OR52A5: variants seen among roughly 807,000 people sequenced by gnomAD.
OR52A5 encodes olfactory receptor family 52 subfamily A member 5.
OR52A5 carries 16 observed loss-of-function variants against 18.2 expected under a neutral mutation model. That is an observed-to-expected ratio of 0.88 (90% CI 0.60 to 1.34). The LOEUF is 1.34. Among genes scored for constraint, OR52A5 ranks in the 40% most tolerant of loss-of-function variants. The pLI is 0.00. For synonymous variants in OR52A5, 140 were observed against 137.2 expected (o/e 1.02, Z -0.14); for missense variants, 418 against 383.0 (o/e 1.09, Z -0.76).
rs140236383 is a variant in OR52A5, at chr11:5,134,244, G to A, written c.-60-1542C>T. 3.7e-3 allele frequency among the ~76,000 whole-genome samples: 569 copies of A among 152,252 alleles called. 2 individuals carry two copies. Among genetic ancestry groups the A allele is most frequent in the Admixed American group, 6.1e-3 (93 of 15,298 alleles). On this transcript the variant is annotated intron_variant, in intron 1 of 1. Transcript: ENST00000307388. ...AAACTCACTCTCTGAAATAATTTAAGTAGACTGCAAAATAGATAAAGATAG... is the reference window on the plus strand; with the variant it reads ...AAACTCACTCTCTGAAATAATTTAAATAGACTGCAAAATAGATAAAGATAG...
At chr11:5,136,084 A>C (rs988500544) in intron 1 of OR52A5, among the ~76,000 whole-genome samples, 1 of 152,068 alleles carries the variant, frequency 6.6e-6, no homozygotes, top group Non-Finnish European at 1.5e-5. Flanking sequence ...TGAGCTGGAG[A>C]CTCTTTGAAA....
chr11:5,133,775 C>G (rs1846366519), intron 1 of OR52A5, among the ~76,000 whole-genome samples: 1 of 152,092 alleles, frequency 6.6e-6, no homozygotes. Context: ...TAGAAATAGG[C>G]ATTGTTACCT....
chr11:5,130,339 C>T lies in OR52A5; in HGVS notation c.*1353G>A, dbSNP rs1846324389. ...TTACTTATTATCTTCATTCTTTATC[C>T]TTCATGTATACTAACTTTTCTGAAA... On this transcript the variant is annotated 3_prime_UTR_variant, in exon 2 of 2. Transcript: ENST00000307388. The T allele has an allele frequency of 6.6e-6, 1 of 151,766 alleles. No homozygotes were observed. The highest frequency in any genetic ancestry group is 1.5e-5 in the Non-Finnish European group (1 of 67,910). The allele number at this position is 151,766 out of a possible 1,614,324, so 9.4% of individuals were successfully genotyped here.
At position 5,134,788 on chromosome 11, in the gene OR52A5, T is replaced by C. The variant is rs180803432; in HGVS notation, c.-60-2086A>G. Among the ~76,000 whole-genome samples the C allele has an allele frequency of 8.8e-3, 1,344 of 152,134 alleles. 11 individuals carry two copies. The highest frequency in any genetic ancestry group is 0.016 in the South Asian group (78 of 4,826). ...ATTAATGAAAGTCTAGAACTTGTTA[T>C]AAGTAAATACACTTGGATCAAAATT... On this transcript the variant is annotated intron_variant, in intron 1 of 1. Coordinates refer to ENST00000307388, the MANE Select transcript of OR52A5 (RefSeq NM_001005160.3).
At chr11:5,133,039 ATTT>A (rs1846357288) in intron 1 of OR52A5, among the ~76,000 whole-genome samples, 1 of 152,190 alleles carries the variant, frequency 6.6e-6, no homozygotes, top group Admixed American at 6.5e-5. Flanking sequence ...AGAGCAAAGA[ATTT>A]TAAAACTAGA....
rs1308385863 is a variant in OR52A5 at position 5,130,689 on chromosome 11, T to C, written c.*1003A>G. On this transcript the variant is annotated 3_prime_UTR_variant, in exon 2 of 2. Coordinates refer to ENST00000307388, the MANE Select transcript of OR52A5 (RefSeq NM_001005160.3). ...TTTTCCCCAAAATTGTATGTATCTA[T>C]GTCTGCCTCTTGAATGATATGATTT... 6.6e-6 allele frequency: 1 copy of C among 152,156 alleles called. No individual in the cohort carries two copies. Among genetic ancestry groups the C allele is most frequent in the Admixed American group, 6.6e-5 (1 of 15,266 alleles). 9.4% of individuals were successfully genotyped at this position (152,156 alleles called of 1,614,324 possible). A position where few individuals can be genotyped will look rare whatever the true frequency, so the allele number is the denominator to read the frequency against.
chr11:5,129,787 T>G lies in OR52A5; in HGVS notation c.*1905A>C, dbSNP rs528289920. On this transcript the variant is annotated 3_prime_UTR_variant, in exon 2 of 2. Coordinates refer to ENST00000307388, the MANE Select transcript of OR52A5 (RefSeq NM_001005160.3). ...AACCAAGAAGTCAAACAGATCTGTG[T>G]GCTGACTGGGACCTAGCTGAAATCA... 6.6e-6 allele frequency: 1 copy of G among 152,184 alleles called. No homozygotes were observed. Among genetic ancestry groups the G allele is most frequent in the African/African-American group, 2.4e-5 (1 of 41,438 alleles). 9.4% of individuals were successfully genotyped at this position (152,184 alleles called of 1,614,324 possible). A position where few individuals can be genotyped will look rare whatever the true frequency, so the allele number is the denominator to read the frequency against.
chr11:5,131,417 G>T lies in OR52A5; in HGVS notation c.*275C>A. ...AATTCCTTAGTGTTTATAGTCATTG[G>T]TTGCATTACATAAGTTTTATGTTGT... On this transcript the variant is annotated 3_prime_UTR_variant, in exon 2 of 2. Coordinates refer to ENST00000307388, the MANE Select transcript of OR52A5 (RefSeq NM_001005160.3). The T allele has an allele frequency of 4.6e-6, 1 of 219,762 alleles. No homozygotes were observed. The highest frequency in any genetic ancestry group is 9.1e-6 in the Non-Finnish European group (1 of 109,468). The allele number at this position is 219,762 out of a possible 1,614,324, so 13.6% of individuals were successfully genotyped here.
In OR52A5 at chr11:5,132,535, C is replaced by A. The variant is rs1375775560; in HGVS notation, c.108G>T (p.Met36Ile). Residue 36 changes from methionine (M) to isoleucine (I), a missense_variant, in exon 2 of 2, where the codon ATG (methionine) becomes ATT (isoleucine). Coordinates refer to ENST00000307388, the MANE Select transcript of OR52A5 (RefSeq NM_001005160.3). Reference sequence around the variant, plus strand: ...AATTTCCAATCACACCAATAAGATACATGGCAGAGAAAGGAATCCCAATCC... The same window carrying A: ...AATTTCCAATCACACCAATAAGATAAATGGCAGAGAAAGGAATCCCAATCC... Reference protein sequence around the residue: ...QCWIGIPFSAMYLIGVIGNSL... With the variant: ...QCWIGIPFSAIYLIGVIGNSL... 1 of 1,613,738 alleles carries A rather than the reference C, an allele frequency of 6.2e-7. No individual in the cohort carries two copies. The highest frequency in any genetic ancestry group is 2.2e-5 in the East Asian group (1 of 44,894).
intron 1 of OR52A5, among the ~76,000 whole-genome samples, chr11:5,137,094 A>G (rs919623955): frequency 9.2e-5 from 14 of 152,256 alleles, no homozygotes; most frequent in African/African-American, 1.2e-4. Context: ...AGGACTCACC[A>G]ACATGATGTA....
Position 5,132,551 on chromosome 11 carries a change from A to T in OR52A5, c.92T>A (p.Ile31Asn). 6.2e-7 allele frequency: 1 copy of T among 1,614,014 alleles called. No individual in the cohort carries two copies. Among genetic ancestry groups the T allele is most frequent in the South Asian group, 1.1e-5 (1 of 91,070 alleles). Residue 31 changes from isoleucine (I) to asparagine (N), a missense_variant, in exon 2 of 2, where the codon ATT becomes AAT. Coordinates refer to ENST00000307388, the MANE Select transcript of OR52A5 (RefSeq NM_001005160.3). ...AATAAGATACATGGCAGAGAAAGGA[A>T]TCCCAATCCAACACTGCACTGACTC... is the stretch of plus-strand genomic sequence containing the variant. ...GLESVQCWIG[I>N]PFSAMYLIGV...
chr11:5,131,764 A>T lies in OR52A5; in HGVS notation c.879T>A (p.Ile293=). 1 of 1,614,082 alleles carries T rather than the reference A, an allele frequency of 6.2e-7. No homozygotes were observed. Among genetic ancestry groups the T allele is most frequent in the Non-Finnish European group, 8.5e-7 (1 of 1,179,962 alleles). The stretch of plus-strand genomic sequence containing the variant: ...TTTGCTTGGTCTTCACTCCATAGAC[A>T]ATAGGGTTGAGAAAAGGTGGGACTA... ...YLLVPPFLNP[I]VYGVKTKQIR... is the part of the protein sequence containing the mutation. The change falls in exon 2 of 2, where the codon ATT becomes ATA. Residue 293 remains isoleucine (I), a synonymous_variant. Coordinates refer to ENST00000307388, the MANE Select transcript of OR52A5 (RefSeq NM_001005160.3).
chr11:5,137,160 G>T (rs1046650840), intron 1 of OR52A5, among the ~76,000 whole-genome samples: 1 of 152,212 alleles, frequency 6.6e-6, no homozygotes, highest in African/African-American at 2.4e-5. Flanking sequence ...TTACTGCACT[G>T]GATAAGAAAA....
At position 5,132,237 on chromosome 11, in the gene OR52A5, T is replaced by G; in HGVS notation, c.406A>C (p.Thr136Pro). ...GTTAAGAACTGCTGGGAAAAGATGG[T>G]GGCATGTCTCAAGGGGATACAGATG... ...VAICIPLRHATIFSQQFLTHI... is the reference protein window; with the variant it reads ...VAICIPLRHAPIFSQQFLTHI... The change falls in exon 2 of 2, where the codon ACC becomes CCC. Residue 136 changes from threonine (T) to proline (P), a missense_variant. Transcript: ENST00000307388. 1 of 1,614,004 alleles carries G rather than the reference T, an allele frequency of 6.2e-7. No homozygotes were observed. Among genetic ancestry groups the G allele is most frequent in the East Asian group, 2.2e-5 (1 of 44,876 alleles).
chr11:5,131,414 T>C lies in OR52A5; in HGVS notation c.*278A>G, dbSNP rs1846335632. ...GTAAATTCCTTAGTGTTTATAGTCA[T>C]TGGTTGCATTACATAAGTTTTATGT... On this transcript the variant is annotated 3_prime_UTR_variant, in exon 2 of 2. Transcript: ENST00000307388. 4.6e-6 allele frequency: 1 copy of C among 219,286 alleles called. No individual in the cohort carries two copies. Among genetic ancestry groups the C allele is most frequent in the African/African-American group, 2.3e-5 (1 of 43,810 alleles). 13.6% of individuals were successfully genotyped at this position (219,286 alleles called of 1,614,324 possible).
chr11:5,131,812 G>A lies in OR52A5; in HGVS notation c.831C>T (p.Ile277=), dbSNP rs144490949. Residue 277 remains isoleucine (I), a synonymous_variant, in exon 2 of 2, where the codon ATC becomes ATT. Transcript: ENST00000307388. ...CTAACAGGTAAAGATTTGACAAGAG[G>A]ATATGAATATATGGTGGTATGTGTG... ...FGSHIPPYIH[I]LLSNLYLLVP... 6.2e-7 allele frequency: 1 copy of A among 1,613,928 alleles called. No individual in the cohort carries two copies. Among genetic ancestry groups the A allele is most frequent in the Non-Finnish European group, 8.5e-7 (1 of 1,179,812 alleles).
chr11:5,135,544 G>A (rs574274543), intron 1 of OR52A5, among the ~76,000 whole-genome samples: 79 of 152,224 alleles, frequency 5.2e-4, no homozygotes, highest in African/African-American at 1.8e-3. Context: ...GTGGGGGTGA[G>A]ACATGCCCCA....
Position 5,132,273 on chromosome 11 carries a change from G to T in OR52A5, c.370C>A (p.Arg124Ser). ...AAGGGGATACAGATGGCCACATAGCGATCCAGGGCCATTGCCAGAAGGATA... is the reference window on the plus strand; with the variant it reads ...AAGGGGATACAGATGGCCACATAGCTATCCAGGGCCATTGCCAGAAGGATA... Reference protein sequence around the residue: ...SGILLAMALDRYVAICIPLRH... With the variant: ...SGILLAMALDSYVAICIPLRH... Residue 124 changes from arginine to serine, a missense_variant, in exon 2 of 2, where the codon CGC (arginine) becomes AGC (serine). Transcript: ENST00000307388. 1 of 1,614,156 alleles carries T rather than the reference G, an allele frequency of 6.2e-7. No homozygotes were observed. The highest frequency in any genetic ancestry group is 1.3e-5 in the African/African-American group (1 of 75,036).
At position 5,132,208 on chromosome 11, in the gene OR52A5, ATGAGTTAAGAAC is replaced by A. The variant is rs1846345817; in HGVS notation, c.423_434del (p.Gln141_Thr144del). 2 of 1,614,060 alleles carry A rather than the reference ATGAGTTAAGAAC, an allele frequency of 1.2e-6. No homozygotes were observed. The highest frequency in any genetic ancestry group is 1.3e-5 in the African/African-American group (1 of 74,930). On this transcript the variant is annotated inframe_deletion, in exon 2 of 2. Transcript: ENST00000307388. ...CCCTGAGTGTCACCCCAAGTCCAAT[ATGAGTTAAGAAC>A]TGCTGGGAAAAGATGGTGGCATGTC...
Sources: allele counts gnomAD v4.1 joint callset (sites outside exome capture counted in the v4.1 genomes callset), GRCh38; gene constraint gnomAD v4.1.1; transcripts MANE v1.5; gene names NCBI Gene and HGNC (gene_info 2026-07-23, HGNC 2026-07-21).